The following RPS6KA4 variants were observed in gnomAD, a reference collection of about 807,000 sequenced individuals.
RPS6KA4 encodes the protein ribosomal protein S6 kinase alpha-4.
Under a neutral mutation model 89.6 loss-of-function variants are expected in RPS6KA4, and 38 were observed. That is an observed-to-expected ratio of 0.42 (90% CI 0.33 to 0.56). The LOEUF (loss-of-function observed/expected upper bound fraction) is 0.56, where lower values mean the gene tolerates loss of function less well. Ranked by LOEUF, RPS6KA4 falls within the 20% of genes least tolerant of loss-of-function variation. RPS6KA4 has a pLI of 0.07. For synonymous variants in RPS6KA4, 495 were observed against 492.8 expected, an observed-to-expected ratio of 1.00 and a Z score of -0.06; for missense variants, 873 against 1,098.8, an observed-to-expected ratio of 0.79 and a Z score of 2.90.
chr11:64,363,142 C>T (rs759071977), intron 8 of RPS6KA4, among the ~76,000 whole-genome samples: 55 of 152,320 alleles, frequency 3.6e-4, no homozygotes, highest in Non-Finnish European at 5.6e-4. Flanking sequence ...ATTTGCCATC[C>T]GTCTGACATC....
In RPS6KA4 at chr11:64,369,515, C is replaced by T; in HGVS notation, c.1498C>T (p.His500Tyr). ...GCTGGAGCACATCCGCAAGAAGCGGCACTTCAGCGAGTCGGAAGCAAGCCA... is the reference window on the plus strand; with the variant it reads ...GCTGGAGCACATCCGCAAGAAGCGGTACTTCAGCGAGTCGGAAGCAAGCCA... ...ELLEHIRKKR[H>Y]FSESEASQIL... The change falls in exon 13 of 17, where the codon CAC becomes TAC. Residue 500 changes from histidine (H) to tyrosine (Y), a missense_variant. This residue lies in a region of RPS6KA4 where 542 missense variants were observed against 736.4 expected (regional missense o/e 0.74). Coordinates refer to ENST00000334205, the MANE Select transcript of RPS6KA4 (RefSeq NM_003942.3). 1 of 1,609,930 alleles carries T rather than the reference C, an allele frequency of 6.2e-7. No homozygotes were observed. Among genetic ancestry groups the T allele is most frequent in the Non-Finnish European group, 8.5e-7 (1 of 1,178,852 alleles).
chr11:64,365,266 C>G (rs753387459), intron 8 of RPS6KA4, 35 bp from the exon 9 acceptor site: 3 of 1,598,482 alleles, frequency 1.9e-6, no homozygotes, highest in Admixed American at 3.4e-5. Context: ...TCGTTCCTGG[C>G]CTTTGACACC....
Position 64,365,471 on chromosome 11 carries a change from G to T in RPS6KA4, c.1071+6G>T. On this transcript the variant is annotated splice_donor_region_variant and intron_variant, in intron 9 of 16. Coordinates refer to ENST00000334205, the MANE Select transcript of RPS6KA4 (RefSeq NM_003942.3). ...GGGACCCCCGAATCTTTCAGGTGAG[G>T]GGAAACTCATGGAACCCAGATGCAG... The T allele has an allele frequency of 1.9e-6, 3 of 1,613,644 alleles. No individual in the cohort carries two copies. Among genetic ancestry groups the T allele is most frequent in the Non-Finnish European group, 2.5e-6 (3 of 1,179,928 alleles).
At position 64,371,378 on chromosome 11, in the gene RPS6KA4, C is replaced by T. The variant is rs756001342; in HGVS notation, c.2217C>T (p.Thr739=). 4 of 1,612,160 alleles carry T rather than the reference C, an allele frequency of 2.5e-6. No individual in the cohort carries two copies. Among genetic ancestry groups the T allele is most frequent in the South Asian group, 1.1e-5 (1 of 91,050 alleles). Residue 739 remains threonine (T), a synonymous_variant, in exon 17 of 17, where the codon ACC becomes ACT. Transcript: ENST00000334205. ...GGAAGCAGAAGCTGCGGAGCGCCAC[C>T]GCCTCCCGCCGGGGCTCCCCTGCAC... ...KRRKQKLRSA[T]ASRRGSPAPA... is the part of the protein sequence containing the mutation.
At chr11:64,368,390 G>A in intron 10 of RPS6KA4, 78 bp from the exon 11 acceptor site, 1 of 1,540,922 alleles carries the variant, frequency 6.5e-7, no homozygotes. Context: ...TCCGACATGG[G>A]GCGTGGCGGG....
chr11:64,366,283 G>A (rs765438349), intron 9 of RPS6KA4, among the ~76,000 whole-genome samples: 3 of 151,416 alleles, frequency 2.0e-5, no homozygotes, highest in Non-Finnish European at 2.9e-5. Flanking sequence ...CAATTCTCCT[G>A]CCTTAGCCTC....
intron 2 of RPS6KA4, 61 bp downstream of exon 2, chr11:64,359,510 C>A: frequency 1.3e-6 from 2 of 1,566,974 alleles, no homozygotes; most frequent in South Asian, 1.1e-5. Flanking sequence ...CTCCTGCCTG[C>A]TCACTCTTGG....
At position 64,368,578 on chromosome 11, in the gene RPS6KA4, C is replaced by T. The variant is rs776399879; in HGVS notation, c.1311C>T (p.Phe437=). 1.3e-5 allele frequency: 21 copies of T among 1,600,304 alleles called. No individual in the cohort carries two copies. The East Asian group carries it at 2.3e-4, about 17-fold the overall frequency. ...RCRQRQSGQE[F]AVKILSRRLE... ...GCCAGCGCCAGAGCGGCCAGGAGTT[C>T]GCAGTCAAGATCCTCAGTCGCAGGT... Residue 437 remains phenylalanine, a synonymous_variant, in exon 11 of 17, where the codon TTC becomes TTT. Transcript: ENST00000334205.
In RPS6KA4 at chr11:64,361,929, G is replaced by A. The variant is rs2036765124; in HGVS notation, c.833G>A (p.Cys278Tyr). Residue 278 changes from cysteine to tyrosine, a missense_variant, in exon 8 of 17, where the codon TGT becomes TAT. Coordinates refer to ENST00000334205, the MANE Select transcript of RPS6KA4 (RefSeq NM_003942.3). The surrounding 1 kb of genome is among the most constrained non-coding windows in gnomAD (Gnocchi z 4.7). ...VAQDLLQRLL[C>Y]KDPKKRLGAG... ...CAGGACCTGCTGCAGCGGCTGCTTT[G>A]TAAGGATCCTAAGAAGCGATTGGGC... 2 of 1,611,826 alleles carry A rather than the reference G, an allele frequency of 1.2e-6. No individual in the cohort carries two copies. The highest frequency in any genetic ancestry group is 1.7e-5 in the Admixed American group (1 of 59,504).
At chr11:64,367,379 C>T (rs191337001) in intron 9 of RPS6KA4, among the ~76,000 whole-genome samples, 18 of 152,160 alleles carry the variant, frequency 1.2e-4, no homozygotes, top group South Asian at 4.1e-4. Context: ...GGCATGATAT[C>T]GGCTCACCGC....
intron 3 of RPS6KA4, 45 bp from the exon 4 acceptor site, chr11:64,360,432 G>A: frequency 6.3e-7 from 1 of 1,586,862 alleles, no homozygotes; most frequent in Non-Finnish European, 8.6e-7. Context: ...GGGCAGGCGA[G>A]GCCACCTGAC....
At chr11:64,367,972 A>G (rs1341970831) in intron 9 of RPS6KA4, among the ~76,000 whole-genome samples, 160 bp from the exon 10 acceptor site, 1 of 152,180 alleles carries the variant, frequency 6.6e-6, no homozygotes, top group Admixed American at 6.5e-5. Flanking sequence ...GGTGGAATAA[A>G]AAGTGTCCAC....
chr11:64,359,202 C>T lies in RPS6KA4; in HGVS notation c.-34C>T. On this transcript the variant is annotated 5_prime_UTR_variant, in exon 1 of 17. Transcript: ENST00000334205. Reference sequence around the variant, plus strand: ...GCCATGTAACCGGCGCCGCCCGGAGCCCGAGCCGCGCGGGCCCCAGCGACC... The same window carrying T: ...GCCATGTAACCGGCGCCGCCCGGAGTCCGAGCCGCGCGGGCCCCAGCGACC... The T allele has an allele frequency of 1.6e-6, 2 of 1,286,394 alleles. No homozygotes were observed. The highest frequency in any genetic ancestry group is 2.0e-6 in the Non-Finnish European group (2 of 1,009,118). The allele number at this position is 1,286,394 out of a possible 1,614,324, so 79.7% of individuals were successfully genotyped here.
chr11:64,368,261 GTGGGC>G lies in RPS6KA4; in HGVS notation c.1200+16_1200+20del, dbSNP rs752735910. 2.5e-6 allele frequency: 4 copies of G among 1,613,176 alleles called. No individual in the cohort carries two copies. Among genetic ancestry groups the G allele is most frequent in the Middle Eastern group, 3.3e-4 (2 of 6,062 alleles). On this transcript the variant is annotated splice_donor_variant and splice_donor_5th_base_variant and intron_variant, in intron 10 of 16. Coordinates refer to ENST00000334205, the MANE Select transcript of RPS6KA4 (RefSeq NM_003942.3). LOFTEE classifies it high-confidence loss of function. The stretch of plus-strand genomic sequence containing the variant: ...GGTGGCCAGGAGCGCTATGATGCAG[GTGGGC>G]TGGGCTGGGCTGGGTTGGGGGGAAA...
At position 64,371,590 on chromosome 11, in the gene RPS6KA4, C is replaced by T; in HGVS notation, c.*110C>T. The T allele has an allele frequency of 3.4e-6, 2 of 585,232 alleles. No individual in the cohort carries two copies. The highest frequency in any genetic ancestry group is 2.9e-5 in the East Asian group (1 of 34,858). 36.3% of individuals were successfully genotyped at this position (585,232 alleles called of 1,614,324 possible). On this transcript the variant is annotated 3_prime_UTR_variant, in exon 17 of 17. Transcript: ENST00000334205. ...CCTGATCCCCAAGGGACTGTCCTTT[C>T]CTCTCCTACCCCACCCCACTCCCAG...
rs748097861 is a variant in RPS6KA4, at chr11:64,370,427, G to A, written c.1957+43G>A. 6.8e-6 allele frequency: 11 copies of A among 1,607,060 alleles called. No individual in the cohort carries two copies. The highest frequency in any genetic ancestry group is 9.3e-6 in the Non-Finnish European group (11 of 1,177,846). ...ATAGACCATGGTTGGGGAGGGGGAC[G>A]CTGGGACAGGGATGGTCACTGGGCC... On this transcript the variant is annotated intron_variant, in intron 15 of 16. Coordinates refer to ENST00000334205, the MANE Select transcript of RPS6KA4 (RefSeq NM_003942.3). The surrounding 1 kb of genome is among the most constrained non-coding windows in gnomAD (Gnocchi z 4.1).
chr11:64,368,082 C>CACCCCCA, intron 9 of RPS6KA4, 50 bp from the exon 10 acceptor site: 2 of 1,598,688 alleles, frequency 1.3e-6, no homozygotes, highest in Non-Finnish European at 1.7e-6. Flanking sequence ...TCCTCACCCG[C>CACCCCCA]ACCCCCAACC....
In RPS6KA4 at chr11:64,370,490, G is replaced by A; in HGVS notation, c.1958-73G>A. 1.3e-6 allele frequency: 2 copies of A among 1,599,078 alleles called. No homozygotes were observed. The highest frequency in any genetic ancestry group is 1.7e-5 in the Admixed American group (1 of 57,860). ...TGGGGATGGGTAGGGGAGGAGAGTG[G>A]GGCTGTTACGATCTCTTTGGGGCTC... is the stretch of plus-strand genomic sequence containing the variant. On this transcript the variant is annotated intron_variant, in intron 15 of 16. Coordinates refer to ENST00000334205, the MANE Select transcript of RPS6KA4 (RefSeq NM_003942.3). This position sits in a 1 kb window ranked among gnomAD's most constrained non-coding sequence, Gnocchi z 4.1.
Position 64,369,557 on chromosome 11 carries a change from G to A in RPS6KA4, c.1540G>A (p.Val514Met). The change falls in exon 13 of 17, where the codon GTG (valine) becomes ATG (methionine). Residue 514 changes from valine (V) to methionine (M), a missense_variant. Transcript: ENST00000334205. Reference protein sequence around the residue: ...SEASQILRSLVSAVSFMHEEA... With the variant: ...SEASQILRSLMSAVSFMHEEA... ...AGCAAGCCAGATCCTGCGCAGCCTCGTGTCGGCCGTGAGCTTCATGCACGA... is the reference window on the plus strand; with the variant it reads ...AGCAAGCCAGATCCTGCGCAGCCTCATGTCGGCCGTGAGCTTCATGCACGA... 6.2e-7 allele frequency: 1 copy of A among 1,606,902 alleles called. No individual in the cohort carries two copies. The highest frequency in any genetic ancestry group is 8.5e-7 in the Non-Finnish European group (1 of 1,177,308).
Sources: gnomAD v4.1 joint callset for allele counts (sites outside exome capture counted in the v4.1 genomes callset) on GRCh38, gnomAD v4.1.1 for gene constraint, gnomAD v4.1.1 regional missense constraint, Gnocchi (gnomAD v3.1) non-coding constraint, MANE v1.5 for transcripts, NCBI Gene and HGNC (gene_info 2026-07-23, HGNC 2026-07-21) for gene names.